The following GRIN2B variants were observed in gnomAD, a reference collection of about 807,000 sequenced individuals.
GRIN2B encodes the protein glutamate receptor ionotropic, NMDA 2B.
In GRIN2B, 5 loss-of-function variants were observed where a neutral mutation model predicts 114.5. The ratio of observed to expected loss-of-function variants is 0.04; its 90% CI spans 0.02 to 0.09. The LOEUF is 0.09. Ranked by LOEUF, GRIN2B falls within the 10% of genes least tolerant of loss-of-function variation. The pLI, the probability that GRIN2B is intolerant of heterozygous loss-of-function variation, is 1.00. For synonymous variants in GRIN2B, 787 were observed against 745.1 expected (o/e 1.06, Z -0.92); for missense variants, 1,108 against 1,943.5 (o/e 0.57, Z 8.08).
rs1456390027 is a variant in GRIN2B, at chr12:13,548,808, C to G, written c.*13975G>C. The G allele has an allele frequency of 6.6e-6, 1 of 151,716 alleles. No homozygotes were observed. The highest frequency in any genetic ancestry group is 2.1e-4 in the South Asian group (1 of 4,806). The allele number at this position is 151,716 out of a possible 1,614,324, so 9.4% of individuals were successfully genotyped here. A position where few individuals can be genotyped will look rare whatever the true frequency, so the allele number is the denominator to read the frequency against. Reference sequence around the variant, plus strand: ...ATTAGTCTAGTGCCCACCTCCTCCCCCCATCTTCATGCATGGGAATAAAAG... The same window carrying G: ...ATTAGTCTAGTGCCCACCTCCTCCCGCCATCTTCATGCATGGGAATAAAAG... On this transcript the variant is annotated 3_prime_UTR_variant, in exon 14 of 14. Transcript: ENST00000609686.
chr12:13,872,059 T>G (rs1312983448), intron 2 of GRIN2B, among the ~76,000 whole-genome samples: 1 of 151,810 alleles, frequency 6.6e-6, no homozygotes, highest in Non-Finnish European at 1.5e-5. Flanking sequence ...AGATTAAGTA[T>G]ATCAAACTTT....
chr12:13,947,852 C>T (rs1171904482), intron 2 of GRIN2B, among the ~76,000 whole-genome samples: 3 of 152,166 alleles, frequency 2.0e-5, no homozygotes, highest in Non-Finnish European at 4.4e-5. Flanking sequence ...CAACTCACTT[C>T]CATAACGTTA....
rs994032120 is a variant in GRIN2B at position 13,538,931 on chromosome 12, A to G, written c.*23852T>C. 6.6e-6 allele frequency: 1 copy of G among 152,066 alleles called. No homozygotes were observed. Among genetic ancestry groups the G allele is most frequent in the Non-Finnish European group, 1.5e-5 (1 of 68,000 alleles). 9.4% of individuals were successfully genotyped at this position (152,066 alleles called of 1,614,324 possible). A position where few individuals can be genotyped will look rare whatever the true frequency, so the allele number is the denominator to read the frequency against. On this transcript the variant is annotated 3_prime_UTR_variant, in exon 14 of 14. Transcript: ENST00000609686. The stretch of plus-strand genomic sequence containing the variant: ...TTTTAAACAAATCTCAGATTTTCAA[A>G]TCAAACTTACTGTATAATTTTCAGA...
At chr12:13,786,942 T>C (rs1398766867) in intron 3 of GRIN2B, among the ~76,000 whole-genome samples, 3 of 150,800 alleles carry the variant, frequency 2.0e-5, no homozygotes, top group Non-Finnish European at 4.4e-5. Flanking sequence ...GGACAATAAA[T>C]ACAGGCTTCA....
intron 10 of GRIN2B, among the ~76,000 whole-genome samples, chr12:13,600,499 A>ATGTG (rs201880472): frequency 1.5e-4 from 17 of 113,562 alleles, no homozygotes; most frequent in African/African-American, 3.3e-4. Context: ...GTGTGTGTGC[A>ATGTG]TGTGTGTGTG....
chr12:13,587,650 C>T (rs1398941689), intron 10 of GRIN2B, among the ~76,000 whole-genome samples: 1 of 152,166 alleles, frequency 6.6e-6, no homozygotes. Flanking sequence ...CCACCACACC[C>T]AGCTGAATTT....
intron 3 of GRIN2B, among the ~76,000 whole-genome samples, chr12:13,813,000 C>T (rs987752387): frequency 4.2e-5 from 6 of 143,466 alleles, no homozygotes; most frequent in Non-Finnish European, 8.9e-5. Flanking sequence ...GTGGTCCGAG[C>T]TTGATCTCGG....
At chr12:13,738,818 G>C (rs1022611514) in intron 4 of GRIN2B, among the ~76,000 whole-genome samples, 2 of 152,058 alleles carry the variant, frequency 1.3e-5, no homozygotes, top group African/African-American at 4.8e-5. Flanking sequence ...TTTAATACAC[G>C]TCTGTTCCCG....
intron 10 of GRIN2B, among the ~76,000 whole-genome samples, chr12:13,585,545 A>T (rs1023503725): frequency 2.0e-5 from 3 of 152,224 alleles, no homozygotes; most frequent in Non-Finnish European, 4.4e-5. Flanking sequence ...CGCACACTGC[A>T]TGCCCCTCGG....
At chr12:13,772,568 C>T (rs1006666489) in intron 3 of GRIN2B, among the ~76,000 whole-genome samples, 5 of 152,166 alleles carry the variant, frequency 3.3e-5, no homozygotes, top group African/African-American at 9.7e-5. Context: ...CATAATTTTA[C>T]AATATAAAAT....
Position 13,546,026 on chromosome 12 carries a change from A to G in GRIN2B, c.*16757T>C, listed in dbSNP as rs1948336816. On this transcript the variant is annotated 3_prime_UTR_variant, in exon 14 of 14. Transcript: ENST00000609686. ...TAAACAGTAATCACATTAACAACCT[A>G]GTGATTTCACTGGAGATGGGAAGAT... 6.6e-6 allele frequency: 1 copy of G among 152,182 alleles called. No homozygotes were observed. Among genetic ancestry groups the G allele is most frequent in the South Asian group, 2.1e-4 (1 of 4,830 alleles). The allele number at this position is 152,182 out of a possible 1,614,324, so 9.4% of individuals were successfully genotyped here. A position where few individuals can be genotyped will look rare whatever the true frequency, so the allele number is the denominator to read the frequency against.
chr12:13,911,009 A>G (rs886817473), intron 2 of GRIN2B, among the ~76,000 whole-genome samples: 1 of 151,912 alleles, frequency 6.6e-6, no homozygotes, highest in African/African-American at 2.4e-5. Context: ...TACGTAAAAG[A>G]TATTTTCCAA....
At chr12:13,965,817 C>T (rs1431528399) in intron 2 of GRIN2B, among the ~76,000 whole-genome samples, 1 of 152,132 alleles carries the variant, frequency 6.6e-6, no homozygotes, top group Non-Finnish European at 1.5e-5. Context: ...TTGCATCGCT[C>T]CTAAAGTCTT....
chr12:13,877,790 C>A (rs1866011838), intron 2 of GRIN2B, among the ~76,000 whole-genome samples: 1 of 152,122 alleles, frequency 6.6e-6, no homozygotes, highest in South Asian at 2.1e-4. Flanking sequence ...AGGCCAGGCG[C>A]AGTGGCTCAC....
intron 4 of GRIN2B, among the ~76,000 whole-genome samples, chr12:13,746,614 A>AT (rs1294264406): frequency 6.6e-6 from 1 of 151,900 alleles, no homozygotes; most frequent in African/African-American, 2.4e-5. Context: ...AATCACACTA[A>AT]TTTTTTAAAG....
chr12:13,713,461 C>T (rs1022457382), intron 4 of GRIN2B, among the ~76,000 whole-genome samples: 7 of 151,902 alleles, frequency 4.6e-5, no homozygotes, highest in Non-Finnish European at 7.4e-5. Context: ...TCAAATGAAT[C>T]ACAGAATCTA....
intron 5 of GRIN2B, among the ~76,000 whole-genome samples, chr12:13,666,500 T>A (rs1404810961): frequency 6.6e-6 from 1 of 152,166 alleles, no homozygotes; most frequent in Non-Finnish European, 1.5e-5. Flanking sequence ...TCACCCTGAA[T>A]AATCTGAATG....
chr12:13,883,166 A>T (rs530976678), intron 2 of GRIN2B, among the ~76,000 whole-genome samples: 1 of 152,212 alleles, frequency 6.6e-6, no homozygotes, highest in South Asian at 2.1e-4. Flanking sequence ...GTTGATGGAC[A>T]TTAAGGGGTG....
intron 3 of GRIN2B, among the ~76,000 whole-genome samples, chr12:13,785,105 A>G (rs1864200545): frequency 6.6e-6 from 1 of 152,264 alleles, no homozygotes; most frequent in Non-Finnish European, 1.5e-5. Context: ...AATTCAAAAG[A>G]AAAAGCCAAA....
Sources: allele counts gnomAD v4.1 joint callset (sites outside exome capture counted in the v4.1 genomes callset), GRCh38; gene constraint gnomAD v4.1.1; transcripts MANE v1.5; gene names NCBI Gene and HGNC (gene_info 2026-07-23, HGNC 2026-07-21).